AEBP2: variants seen among roughly 807,000 people sequenced by gnomAD.
AEBP2 encodes AE binding protein 2, also known as zinc finger protein AEBP2.
AEBP2 carries 10 observed loss-of-function variants against 50.8 expected under a neutral mutation model. The observed-to-expected ratio is 0.20, with a 90% confidence interval of 0.12 to 0.33. The LOEUF (loss-of-function observed/expected upper bound fraction) is 0.33. Ranked by LOEUF, AEBP2 falls within the 10% of genes least tolerant of loss-of-function variation. The probability of loss-of-function intolerance (pLI) is 1.00; values close to 1 mark genes in which losing one functional copy is unlikely to be tolerated. For synonymous variants in AEBP2, 296 were observed against 261.3 expected (o/e 1.13, Z -1.28); for missense variants, 570 against 688.0 (o/e 0.83, Z 1.92).
At position 19,439,881 on chromosome 12, in the gene AEBP2, G is replaced by T; in HGVS notation, c.182G>T (p.Gly61Val). The T allele has an allele frequency of 1.3e-6, 2 of 1,484,396 alleles. No individual in the cohort carries two copies. The highest frequency in any genetic ancestry group is 1.8e-6 in the Non-Finnish European group (2 of 1,126,518). The allele number at this position is 1,484,396 out of a possible 1,614,324, so 92.0% of individuals were successfully genotyped here. Residue 61 changes from glycine to valine, a missense_variant, in exon 1 of 8, where the codon GGC becomes GTC. Coordinates refer to ENST00000266508, the MANE Select transcript of AEBP2 (RefSeq NM_153207.5). ...AEAVAALLLNGGSGGGGGGGG... is the reference protein window; with the variant it reads ...AEAVAALLLNVGSGGGGGGGG... ...GCGGTGGCGGCGCTGCTGCTGAACG[G>T]CGGCAGCGGTGGGGGCGGCGGAGGC...
chr12:19,459,121 G>C (rs1210372136), intron 1 of AEBP2, among the ~76,000 whole-genome samples: 1 of 152,128 alleles, frequency 6.6e-6, no homozygotes, highest in African/African-American at 2.4e-5. Context: ...AATTAGTATA[G>C]TTTATGTAAG....
chr12:19,436,920 C>G (rs11044559), upstream of AEBP2, among the ~76,000 whole-genome samples: 3,402 of 152,198 alleles, frequency 0.022, 48 homozygotes, highest in East Asian at 0.045. Context: ...GTACTTTGAA[C>G]TAAAGGAGAT....
In AEBP2 at chr12:19,406,217, G is replaced by C. The variant is rs887110613; in HGVS notation, c.-17+2001G>C. On this transcript the variant is annotated intron_variant, in intron 1 of 3. Coordinates refer to the AEBP2 transcript ENST00000538425. ...CTGACCTCAAGTGATCCACTGCCTA[G>C]GGCTCCCAAAGTGCTGGGATTATAG... 2.6e-5 allele frequency among the ~76,000 whole-genome samples: 4 copies of C among 151,994 alleles called. No homozygotes were observed. The East Asian group carries it at 5.8e-4, about 22-fold the overall frequency.
chr12:19,455,100 A>G (rs1404860329), intron 1 of AEBP2, among the ~76,000 whole-genome samples: 3 of 151,656 alleles, frequency 2.0e-5, no homozygotes, highest in Non-Finnish European at 2.9e-5. Flanking sequence ...ACTTCTAGCA[A>G]TCCTCACCTT....
rs1267144934 is a variant in AEBP2, at chr12:19,460,191, G to A, written c.672-2319G>A. On this transcript the variant is annotated intron_variant, in intron 1 of 7. Transcript: ENST00000266508. ...ACCACCGCACTATAGGCTTGGCAAC[G>A]GAGTGAAGACCCTGTCTTAACATCC... Among the ~76,000 whole-genome samples, 4 of 152,150 alleles carry A rather than the reference G, an allele frequency of 2.6e-5. 1 individual carries two copies. The highest frequency in any genetic ancestry group is 2.0e-4 in the Admixed American group (3 of 15,268).
chr12:19,423,562 T>C (rs1182731343), intron 1 of AEBP2, among the ~76,000 whole-genome samples: 1 of 152,290 alleles, frequency 6.6e-6, no homozygotes, highest in African/African-American at 2.4e-5. Context: ...CTACCTGATA[T>C]CAAGGTCGCA....
intron 5 of AEBP2, among the ~76,000 whole-genome samples, chr12:19,503,382 T>C (rs1424170301): frequency 6.6e-6 from 1 of 151,922 alleles, no homozygotes; most frequent in Non-Finnish European, 1.5e-5. Context: ...TGGAATTGCA[T>C]TCTTGATTTG....
At chr12:19,457,611 A>G (rs1228049529) in intron 1 of AEBP2, 30 of 1,475,952 alleles carry the variant, frequency 2.0e-5, no homozygotes, top group South Asian at 8.5e-5. Context: ...TACGTGTCCA[A>G]TGACGACAAT....
rs1167530413 is a variant in AEBP2 at position 19,519,732 on chromosome 12, A to G, written c.*1615A>G. The G allele has an allele frequency of 6.6e-6, 1 of 152,620 alleles. No individual in the cohort carries two copies. The highest frequency in any genetic ancestry group is 1.5e-5 in the Non-Finnish European group (1 of 67,976). The allele number at this position is 152,620 out of a possible 1,614,324, so 9.5% of individuals were successfully genotyped here. ...CAAAATGGGAAAGGTTCCACGATAC[A>G]TAAATCATTTCTCATTTGCTTTAAA... On this transcript the variant is annotated 3_prime_UTR_variant, in exon 8 of 8. Coordinates refer to ENST00000266508, the MANE Select transcript of AEBP2 (RefSeq NM_153207.5).
intron 3 of AEBP2, among the ~76,000 whole-genome samples, chr12:19,478,937 C>T (rs138641328): frequency 6.6e-6 from 1 of 152,168 alleles, no homozygotes; most frequent in East Asian, 1.9e-4. Context: ...TAATGTATAT[C>T]CTGGCCAGGC....
At position 19,514,661 on chromosome 12, in the gene AEBP2, TA is replaced by T. The variant is rs1198047820; in HGVS notation, c.1368-8del. 2 of 1,572,408 alleles carry T rather than the reference TA, an allele frequency of 1.3e-6. No homozygotes were observed. The highest frequency in any genetic ancestry group is 2.7e-5 in the African/African-American group (2 of 73,520). On this transcript the variant is annotated splice_polypyrimidine_tract_variant and intron_variant, in intron 6 of 7. Coordinates refer to ENST00000266508, the MANE Select transcript of AEBP2 (RefSeq NM_153207.5). The stretch of plus-strand genomic sequence containing the variant: ...GTTACTTTATTATTGACTTGTTTTT[TA>T]ATTCATAGTCTGCCTGATGTGTGGG...
chr12:19,424,501 ACT>A (rs781268523), intron 1 of AEBP2, among the ~76,000 whole-genome samples: 4 of 151,104 alleles, frequency 2.6e-5, no homozygotes, highest in African/African-American at 4.9e-5. Context: ...GGTTCACGCC[ACT>A]CTCCTGCCTC....
chr12:19,466,921 G>A (rs2088437589), intron 2 of AEBP2: 1 of 585,658 alleles, frequency 1.7e-6, no homozygotes, highest in Non-Finnish European at 2.1e-6. Flanking sequence ...TTTGCCCTGG[G>A]GAGAAAAGCA....
intron 3 of AEBP2, among the ~76,000 whole-genome samples, chr12:19,473,645 A>AT: frequency 6.6e-6 from 1 of 152,218 alleles, no homozygotes; most frequent in South Asian, 2.1e-4. Flanking sequence ...ACCTCAGGTG[A>AT]TTCTCCCGCC....
chr12:19,466,049 TC>T (rs1393171038), intron 2 of AEBP2, among the ~76,000 whole-genome samples: 1 of 151,950 alleles, frequency 6.6e-6, no homozygotes, highest in Non-Finnish European at 1.5e-5. Context: ...GAGGACTTGA[TC>T]ATCCTCCTCA....
At chr12:19,446,794 T>G (rs4396369) in intron 1 of AEBP2, among the ~76,000 whole-genome samples, 127,502 of 151,024 alleles carry the variant, frequency 0.84, 54,074 homozygotes, top group African/African-American at 0.91. Context: ...AGATGTGGTG[T>G]CACATGCCTC....
chr12:19,430,696 C>T (rs1342731771), intron 1 of AEBP2, among the ~76,000 whole-genome samples: 1 of 151,964 alleles, frequency 6.6e-6, no homozygotes, highest in African/African-American at 2.4e-5. Context: ...CCTTCACATC[C>T]CTTGTAAGTT....
At chr12:19,424,637 C>A (rs373058684) in intron 1 of AEBP2, among the ~76,000 whole-genome samples, 8 of 150,684 alleles carry the variant, frequency 5.3e-5, no homozygotes, top group African/African-American at 1.9e-4. Flanking sequence ...ACCTCATGAT[C>A]CGCCCGCCTC....
At chr12:19,470,192 T>A (rs1374872110) in intron 2 of AEBP2, among the ~76,000 whole-genome samples, 2 of 151,798 alleles carry the variant, frequency 1.3e-5, no homozygotes, top group African/African-American at 4.8e-5. Flanking sequence ...GGAGTTTTGC[T>A]TTGAGTGCAG....
Sources: gnomAD v4.1 joint callset for allele counts (sites outside exome capture counted in the v4.1 genomes callset) on GRCh38, gnomAD v4.1.1 for gene constraint, MANE v1.5 for transcripts, NCBI Gene and HGNC (gene_info 2026-07-23, HGNC 2026-07-21) for gene names.